Variants in HMGXB3 observed in about 807,000 individuals in gnomAD.
HMGXB3 encodes the protein HMG domain-containing protein 3.
A neutral mutation model predicts 121.5 loss-of-function variants in HMGXB3; 45 were observed. The observed-to-expected ratio is 0.37, with a 90% CI of 0.29 to 0.47. The LOEUF (loss-of-function observed/expected upper bound fraction) is 0.47, where lower values mean the gene tolerates loss of function less well. Ranked by LOEUF, HMGXB3 falls within the 20% of genes least tolerant of loss-of-function variation. HMGXB3 has a pLI of 0.99. For missense variants in HMGXB3, 1,376 were observed against 1,602.2 expected (o/e 0.86, Z 2.41); for synonymous variants, 590 against 624.1 (o/e 0.95, Z 0.81).
intron 5 of HMGXB3, among the ~76,000 whole-genome samples, 185 bp from the exon 6 acceptor site, chr5:150,018,381 T>C (rs1210135158): frequency 2.6e-5 from 4 of 152,262 alleles, no homozygotes; most frequent in African/African-American, 9.6e-5. Context: ...TTGAACTTAG[T>C]TTCTCCATTT....
Position 150,026,689 on chromosome 5 carries a change from CTTCTTA to C in HMGXB3, c.1461-11_1461-6del. 5 of 1,541,662 alleles carry C rather than the reference CTTCTTA, an allele frequency of 3.2e-6. No individual in the cohort carries two copies. Among genetic ancestry groups the C allele is most frequent in the Non-Finnish European group, 4.4e-6 (5 of 1,143,722 alleles). ...TTTGTTCCAGAATTTCCAGATTTCT[CTTCTTA>C]TTCTTTTCAGAGCTGACCTGCTTAC... is the stretch of plus-strand genomic sequence containing the variant. On this transcript the variant is annotated splice_polypyrimidine_tract_variant and intron_variant, in intron 7 of 19. Coordinates refer to ENST00000502717, the MANE Select transcript of HMGXB3 (RefSeq NM_014983.3).
intron 5 of HMGXB3, among the ~76,000 whole-genome samples, chr5:150,016,259 T>C (rs1351003163): frequency 6.7e-6 from 1 of 149,680 alleles, no homozygotes; most frequent in Admixed American, 6.8e-5. Flanking sequence ...GAGGATTGCT[T>C]GGGCCCAGTA....
chr5:150,028,491 ATATATATGTATGTATGTGTGTG>A (rs1756288257), intron 9 of HMGXB3, among the ~76,000 whole-genome samples: 2 of 83,472 alleles, frequency 2.4e-5, no homozygotes, highest in African/African-American at 1.8e-4. Flanking sequence ...ATATATATGT[ATATATATGTATGTATGTGTGTG>A]TGTGTGTGTG....
intron 13 of HMGXB3, among the ~76,000 whole-genome samples, chr5:150,038,446 G>A (rs929184205): frequency 6.6e-6 from 1 of 152,128 alleles, no homozygotes; most frequent in African/African-American, 2.4e-5. Flanking sequence ...TATTTATTTA[G>A]TCAACATGTA....
chr5:150,019,430 A>G (rs1756035103), intron 6 of HMGXB3, among the ~76,000 whole-genome samples: 1 of 152,238 alleles, frequency 6.6e-6, no homozygotes, highest in Non-Finnish European at 1.5e-5. Context: ...CAATAAATAA[A>G]TGAGCATCAC....
Position 150,040,811 on chromosome 5 carries a change from A to G in HMGXB3, c.2477A>G (p.Gln826Arg). Residue 826 changes from glutamine (Q) to arginine (R), a missense_variant, in exon 14 of 20, where the codon CAG becomes CGG. Gln to Arg is a conservative substitution (Grantham distance 43). This residue lies in a region of HMGXB3 where 1,116 missense variants were observed against 1,369.0 expected (regional missense o/e 0.82). Transcript: ENST00000502717. ...SLDLLFAIRN[Q>R]IKLGEDPRVS... is the part of the protein sequence containing the mutation. ...GACTTGCTTTTTGCAATCAGAAATC[A>G]GATCAAGCTCGGAGAGGACCCCAGA... is the stretch of plus-strand genomic sequence containing the variant. 1 of 1,552,106 alleles carries G rather than the reference A, an allele frequency of 6.4e-7. No homozygotes were observed. The highest frequency in any genetic ancestry group is 8.7e-7 in the Non-Finnish European group (1 of 1,147,086).
chr5:150,007,885 T>C (rs1256880421), intron 3 of HMGXB3, among the ~76,000 whole-genome samples: 2 of 151,994 alleles, frequency 1.3e-5, no homozygotes, highest in Non-Finnish European at 2.9e-5. Context: ...CGAAACTCTA[T>C]CTCTACAAAA....
rs77314173 is a variant in HMGXB3, at chr5:150,036,887, G to C, written c.2235G>C (p.Pro745=). ...QTSWSNYYES[P]STQCLLCSSP... ...CTTGGTCGAATTATTATGAGTCTCC[G>C]TCCACGCAGTGCCTTCTCTGTAGCA... The change falls in exon 12 of 20, where the codon CCG becomes CCC. Residue 745 remains proline (P), a synonymous_variant. Coordinates refer to ENST00000502717, the MANE Select transcript of HMGXB3 (RefSeq NM_014983.3). The C allele has an allele frequency of 1.9e-6, 3 of 1,551,656 alleles. No homozygotes were observed. The highest frequency in any genetic ancestry group is 2.6e-6 in the Non-Finnish European group (3 of 1,146,988).
chr5:150,033,887 C>G (rs949011858), intron 11 of HMGXB3, among the ~76,000 whole-genome samples: 12 of 152,104 alleles, frequency 7.9e-5, no homozygotes, highest in African/African-American at 2.7e-4. Context: ...GGTTATTGTC[C>G]TTGTGAGAAA....
intron 4 of HMGXB3, among the ~76,000 whole-genome samples, chr5:150,011,248 G>A (rs1452235320): frequency 6.6e-6 from 1 of 152,238 alleles, no homozygotes; most frequent in Non-Finnish European, 1.5e-5. Context: ...GAAAGAGGAA[G>A]CAAGTTTCTA....
At chr5:150,025,906 C>CT (rs1482486123) in intron 7 of HMGXB3, among the ~76,000 whole-genome samples, 6 of 152,054 alleles carry the variant, frequency 3.9e-5, no homozygotes, top group African/African-American at 1.4e-4. Context: ...TCTCGTCTCA[C>CT]TGCAAGCTCC....
At chr5:150,007,048 C>G (rs1349695897) in intron 3 of HMGXB3, among the ~76,000 whole-genome samples, 2 of 152,310 alleles carry the variant, frequency 1.3e-5, no homozygotes, top group Non-Finnish European at 2.9e-5. Context: ...TAACTGCTAT[C>G]AGTTATAATC....
chr5:150,030,876 A>C, intron 10 of HMGXB3, 37 bp downstream of exon 10: 1 of 1,485,940 alleles, frequency 6.7e-7, no homozygotes, highest in African/African-American at 1.4e-5. Context: ...GTTGACATGG[A>C]GGTTGTTTTG....
chr5:150,026,593 C>T, intron 7 of HMGXB3, 113 bp from the exon 8 acceptor site: 1 of 873,548 alleles, frequency 1.1e-6, no homozygotes, highest in South Asian at 1.8e-5. Flanking sequence ...CTGTCTAAAG[C>T]TTGACAGTTT....
intron 3 of HMGXB3, among the ~76,000 whole-genome samples, chr5:150,007,863 T>G (rs1056897745): frequency 6.6e-6 from 1 of 152,130 alleles, no homozygotes; most frequent in African/African-American, 2.4e-5. Flanking sequence ...AAGACTAGCC[T>G]GGGCAAGTTG....
intron 18 of HMGXB3, among the ~76,000 whole-genome samples, chr5:150,049,994 T>C (rs1015343344): frequency 1.3e-5 from 2 of 152,300 alleles, no homozygotes; most frequent in African/African-American, 4.8e-5. Context: ...TTTTGAAAGA[T>C]GTTCTGAGGT....
At chr5:150,051,682 A>G in intron 19 of HMGXB3, 43 bp from the exon 20 acceptor site, 1 of 1,417,198 alleles carries the variant, frequency 7.1e-7, no homozygotes, top group Non-Finnish European at 9.5e-7. Flanking sequence ...GTTCCACCTT[A>G]GTCATTCCTT....
At chr5:150,021,880 C>T in intron 6 of HMGXB3, 1 of 510,936 alleles carries the variant, frequency 2.0e-6, no homozygotes, top group Admixed American at 2.0e-5. Flanking sequence ...GAATTGCCAC[C>T]TCCAGCTCCA....
chr5:150,050,198 C>T lies in HMGXB3; in HGVS notation c.3202-54C>T, dbSNP rs926557433. 76 of 1,428,856 alleles carry T rather than the reference C, an allele frequency of 5.3e-5. 1 individual carries two copies. Among genetic ancestry groups the T allele is most frequent in the East Asian group, 1.7e-4 (7 of 40,336 alleles). The allele number at this position is 1,428,856 out of a possible 1,614,324, so 88.5% of individuals were successfully genotyped here. A position where few individuals can be genotyped will look rare whatever the true frequency, so the allele number is the denominator to read the frequency against. On this transcript the variant is annotated intron_variant, in intron 18 of 19. Coordinates refer to ENST00000502717, the MANE Select transcript of HMGXB3 (RefSeq NM_014983.3). ...AAGAAGCGAGTGAGAACTGTACACT[C>T]TCTGCAGACTGGCTTCCTAATTAAC...
Sources: allele counts gnomAD v4.1 joint callset (sites outside exome capture counted in the v4.1 genomes callset), GRCh38; gene constraint gnomAD v4.1.1; regional missense constraint gnomAD v4.1.1; transcripts MANE v1.5; gene names NCBI Gene and HGNC (gene_info 2026-07-23, HGNC 2026-07-21).